Variants in TRPM3 observed in about 807,000 individuals in gnomAD.
TRPM3 encodes the protein transient receptor potential cation channel subfamily M member 3.
TRPM3 carries 77 observed loss-of-function variants against 181.2 expected under a neutral mutation model. The observed-to-expected ratio is 0.42, with a 90% CI of 0.35 to 0.51. The LOEUF (loss-of-function observed/expected upper bound fraction) is 0.51. Among genes scored for constraint, TRPM3 ranks in the 20% least tolerant of loss-of-function variants. The probability of loss-of-function intolerance (pLI) is 0.01; values close to 1 mark genes in which losing one functional copy is unlikely to be tolerated. For synonymous variants in TRPM3, 745 were observed against 796.4 expected (o/e 0.94, Z 1.09); for missense variants, 1,759 against 2,196.7 (o/e 0.80, Z 3.98).
rs546487723 is a variant in TRPM3, at chr9:70,917,054, G to A, written c.178-52543C>T. On this transcript the variant is annotated intron_variant, in intron 1 of 25. Transcript: ENST00000677713. ...AGAGACTGGTATGTCGCTAAGGCAAGAAAAATAGCACTGAGGAAAGCACTG... is the reference window on the plus strand; with the variant it reads ...AGAGACTGGTATGTCGCTAAGGCAAAAAAAATAGCACTGAGGAAAGCACTG... 1.2e-5 allele frequency: 19 copies of A among 1,593,048 alleles called. No individual in the cohort carries two copies. In the South Asian group the frequency reaches 1.4e-4, roughly 12 times the overall value.
At chr9:71,181,074 T>C (rs549524500) in intron 1 of TRPM3, among the ~76,000 whole-genome samples, 10 of 152,232 alleles carry the variant, frequency 6.6e-5, no homozygotes, top group Middle Eastern at 3.4e-3. Context: ...ACTTCACGAG[T>C]TGAATTCATT....
chr9:71,026,643 A>T (rs2056552691), intron 1 of TRPM3, among the ~76,000 whole-genome samples: 1 of 152,116 alleles, frequency 6.6e-6, no homozygotes, highest in African/African-American at 2.4e-5. Context: ...TTGCCATGGG[A>T]GCACTGGTGG....
intron 1 of TRPM3, among the ~76,000 whole-genome samples, chr9:70,922,667 C>A (rs969083809): frequency 6.6e-6 from 1 of 152,138 alleles, no homozygotes; most frequent in Admixed American, 6.5e-5. Flanking sequence ...TTTGACTTGG[C>A]TTGTGGCTAA....
In TRPM3 at chr9:71,310,822, G is replaced by T. The variant is rs61164448; in HGVS notation, c.183+135831C>A. Among the ~76,000 whole-genome samples the T allele has an allele frequency of 5.2e-3, 796 of 152,140 alleles. 11 individuals are homozygous for T. Among genetic ancestry groups the T allele is most frequent in the African/African-American group, 0.018 (757 of 41,528 alleles). On this transcript the variant is annotated intron_variant, in intron 1 of 24. Transcript: ENST00000357533. ...ACTTTACCAAAATCTAGGCACCAAA[G>T]AAAGCTTAACCTAACATGTTTCTTA...
At chr9:71,141,853 A>G (rs1006919356) in intron 1 of TRPM3, among the ~76,000 whole-genome samples, 3 of 152,180 alleles carry the variant, frequency 2.0e-5, no homozygotes, top group Admixed American at 6.6e-5. Flanking sequence ...TTCCTATGAA[A>G]TGGAATTTCT....
chr9:71,340,988 C>A (rs1013693827), intron 1 of TRPM3, among the ~76,000 whole-genome samples: 1 of 151,886 alleles, frequency 6.6e-6, no homozygotes, highest in Non-Finnish European at 1.5e-5. Context: ...GGCACAGAAG[C>A]CAATGTGAAA....
At chr9:71,254,140 G>C (rs2082525951) in intron 1 of TRPM3, among the ~76,000 whole-genome samples, 1 of 152,104 alleles carries the variant, frequency 6.6e-6, no homozygotes, top group Non-Finnish European at 1.5e-5. Context: ...GGATGGTCTT[G>C]ATCTCTTGTC....
At chr9:71,297,238 T>A (rs2086360607) in intron 1 of TRPM3, among the ~76,000 whole-genome samples, 1 of 152,124 alleles carries the variant, frequency 6.6e-6, no homozygotes, top group African/African-American at 2.4e-5. Context: ...ACCAGCCTTC[T>A]TCAGTAACAA....
chr9:70,760,464 C>T lies in TRPM3; in HGVS notation c.1272+1137G>A, dbSNP rs188965185. ...TACCTTCGTGCGTAGTAGAGTTCTCCTGGAATGACAGCAGCCATGACCGTG... is the reference window on the plus strand; with the variant it reads ...TACCTTCGTGCGTAGTAGAGTTCTCTTGGAATGACAGCAGCCATGACCGTG... On this transcript the variant is annotated intron_variant, in intron 8 of 25. Coordinates refer to ENST00000677713, the MANE Select transcript of TRPM3 (RefSeq NM_001366145.2). Among the ~76,000 whole-genome samples the T allele has an allele frequency of 1.5e-3, 216 of 148,782 alleles. 3 individuals carry two copies. In the South Asian group the frequency reaches 0.017, roughly 12 times the overall value.
chr9:70,951,612 G>A (rs1429972218), intron 1 of TRPM3, among the ~76,000 whole-genome samples: 1 of 152,160 alleles, frequency 6.6e-6, no homozygotes, highest in African/African-American at 2.4e-5. Context: ...AAATTGCTGG[G>A]ATTACAGGCA....
chr9:70,916,883 G>C, intron 1 of TRPM3: 1 of 669,814 alleles, frequency 1.5e-6, no homozygotes, highest in Non-Finnish European at 2.5e-6. Context: ...TGAAAAGTCA[G>C]TGCTGGCAGA....
chr9:71,304,733 CTT>C (rs1340628651), intron 1 of TRPM3, among the ~76,000 whole-genome samples: 1 of 152,160 alleles, frequency 6.6e-6, no homozygotes, highest in African/African-American at 2.4e-5. Context: ...AACATTCTCT[CTT>C]GAGGCGCATT....
intron 1 of TRPM3, among the ~76,000 whole-genome samples, chr9:71,097,140 G>A (rs1401854670): frequency 1.3e-5 from 2 of 151,918 alleles, no homozygotes; most frequent in East Asian, 3.9e-4. Context: ...ATGTTTGTTT[G>A]TTCCTTTTTA....
At position 71,374,855 on chromosome 9, in the gene TRPM3, A is replaced by G. The variant is rs563300093; in HGVS notation, c.183+71798T>C. ...GAACGCCCATTCACAATTGCTACAA[A>G]AAGAATACAATACCTAGGAATACAG... On this transcript the variant is annotated intron_variant, in intron 1 of 24. Coordinates refer to the TRPM3 transcript ENST00000357533. 8.5e-5 allele frequency among the ~76,000 whole-genome samples: 13 copies of G among 152,312 alleles called. 1 individual carries two copies. The highest frequency in any genetic ancestry group is 2.6e-4 in the African/African-American group (11 of 41,566).
At chr9:71,121,022 A>C (rs2073537134) in intron 1 of TRPM3, among the ~76,000 whole-genome samples, 156 bp downstream of exon 1, 1 of 151,922 alleles carries the variant, frequency 6.6e-6, no homozygotes, top group South Asian at 2.1e-4. Flanking sequence ...GGGGGAGGGC[A>C]GGAGTACTGA....
intron 1 of TRPM3, among the ~76,000 whole-genome samples, chr9:71,236,693 A>G (rs1368722265): frequency 2.0e-5 from 3 of 152,194 alleles, no homozygotes; most frequent in Non-Finnish European, 4.4e-5. Flanking sequence ...ATCTGCTAAG[A>G]TAAATGTAGG....
chr9:70,635,151 C>G, intron 12 of TRPM3, 60 bp downstream of exon 12: 1 of 1,493,354 alleles, frequency 6.7e-7, no homozygotes, highest in Non-Finnish European at 9.3e-7. Context: ...CAGAGGCACT[C>G]TCTAATCACA....
chr9:71,144,674 A>T (rs552204201), intron 1 of TRPM3, among the ~76,000 whole-genome samples: 35 of 152,324 alleles, frequency 2.3e-4, no homozygotes, highest in African/African-American at 8.4e-4. Context: ...ACATATCAGC[A>T]GAAGAAAGGA....
At chr9:71,156,876 C>T (rs1347990623) in intron 1 of TRPM3, among the ~76,000 whole-genome samples, 1 of 152,096 alleles carries the variant, frequency 6.6e-6, no homozygotes. Flanking sequence ...CTTGATGTGG[C>T]AGTGGGCATC....
Sources: allele counts gnomAD v4.1 joint callset (sites outside exome capture counted in the v4.1 genomes callset), GRCh38; gene constraint gnomAD v4.1.1; transcripts MANE v1.5; gene names NCBI Gene and HGNC (gene_info 2026-07-23, HGNC 2026-07-21).